SLC26A5: variants seen among roughly 807,000 people sequenced by gnomAD.
SLC26A5 encodes prestin.
SLC26A5 carries 51 observed loss-of-function variants against 81.0 expected under a neutral mutation model. The observed-to-expected ratio is 0.63, with a 90% CI of 0.50 to 0.80. SLC26A5 has a LOEUF of 0.80. SLC26A5 is among the 30% of genes least tolerant of loss of function. The probability of loss-of-function intolerance (pLI) is 0.00; values close to 1 mark genes in which losing one functional copy is unlikely to be tolerated. For missense variants in SLC26A5, 771 were observed against 905.8 expected, an observed-to-expected ratio of 0.85 and a Z score of 1.91; for synonymous variants, 325 against 332.8, an observed-to-expected ratio of 0.98 and a Z score of 0.25.
At chr7:103,436,514 C>T (rs1385948857) in intron 2 of SLC26A5, among the ~76,000 whole-genome samples, 3 of 152,156 alleles carry the variant, frequency 2.0e-5, no homozygotes, top group African/African-American at 4.8e-5. Context: ...TAAGCATCTA[C>T]TGAAGGAGTC....
intron 19 of SLC26A5, chr7:103,363,198 T>C (rs1290184055): frequency 1.6e-5 from 10 of 619,280 alleles, no homozygotes; most frequent in Non-Finnish European, 2.8e-5. Context: ...AGCAAGTAGT[T>C]CCAGGGCACT....
Position 103,393,005 on chromosome 7 carries a change from C to T in SLC26A5, c.1033G>A (p.Ala345Thr), listed in dbSNP as rs780718756. 44 of 1,613,826 alleles carry T rather than the reference C, an allele frequency of 2.7e-5. No individual in the cohort carries two copies. The Middle Eastern group carries it at 4.9e-4, about 18-fold the overall frequency. Residue 345 changes from alanine (A) to threonine (T), a missense_variant, in exon 10 of 20, where the codon GCC becomes ACC. Transcript: ENST00000306312. Reference sequence around the variant, plus strand: ...ACTGAAAATCCAACGATGGCTATGGCAATGGCATCTACGTACACAAGGTGG... The same window carrying T: ...ACTGAAAATCCAACGATGGCTATGGTAATGGCATCTACGTACACAAGGTGG... ...LFHLVYVDAI[A>T]IAIVGFSVTI...
chr7:103,392,142 T>A (rs1822712423), intron 10 of SLC26A5, among the ~76,000 whole-genome samples: 1 of 152,250 alleles, frequency 6.6e-6, no homozygotes, highest in African/African-American at 2.4e-5. Flanking sequence ...AGTGTCTTCC[T>A]GGGGCAAGTG....
chr7:103,420,485 G>C (rs1004096718), intron 4 of SLC26A5, among the ~76,000 whole-genome samples: 9 of 151,824 alleles, frequency 5.9e-5, no homozygotes, highest in African/African-American at 1.9e-4. Flanking sequence ...TGTTTTGGTA[G>C]AGACAGTGTC....
At chr7:103,428,833 A>G (rs1825877274) in intron 2 of SLC26A5, among the ~76,000 whole-genome samples, 1 of 152,110 alleles carries the variant, frequency 6.6e-6, no homozygotes, top group Non-Finnish European at 1.5e-5. Flanking sequence ...CTCCCAAAGT[A>G]CTGGGATTAC....
In SLC26A5 at chr7:103,420,850, G is replaced by A. The variant is rs1825292473; in HGVS notation, c.180C>T (p.Ile60=). ...FTCTPKKIRN[I]IYMFLPITKW... ...TAGTTATGGGTAGGAACATATAAAT[G>A]ATATTTCTTATTTTTTTAGGAGTAC... is the stretch of plus-strand genomic sequence containing the variant. The change falls in exon 4 of 20, where the codon ATC becomes ATT. Residue 60 remains isoleucine, a synonymous_variant. Transcript: ENST00000306312. The A allele has an allele frequency of 6.2e-7, 1 of 1,612,330 alleles. No homozygotes were observed. Among genetic ancestry groups the A allele is most frequent in the East Asian group, 2.2e-5 (1 of 44,850 alleles).
At chr7:103,370,143 G>A (rs1820947666), downstream of SLC26A5, among the ~76,000 whole-genome samples, 1 of 152,110 alleles carries the variant, frequency 6.6e-6, no homozygotes, top group Non-Finnish European at 1.5e-5. Context: ...AAACTTTTAT[G>A]AGCATTCAAA....
chr7:103,355,647 G>C, intron 19 of SLC26A5: 1 of 1,376,618 alleles, frequency 7.3e-7, no homozygotes, highest in South Asian at 1.2e-5. Flanking sequence ...CTTATTATAG[G>C]GTGATGCATT....
At position 103,390,495 on chromosome 7, in the gene SLC26A5, AC is replaced by A. The variant is rs1352979087; in HGVS notation, c.1244del (p.Cys415PhefsTer5). ...GTGGKTQLAG[C>X]LASLMILLVI... ...CCAGCAGAATCATTAATGAGGCCAAACAACCTGCAAGCTGAATGAGAGAAGA... is the reference window on the plus strand; with the variant it reads ...CCAGCAGAATCATTAATGAGGCCAAAAACCTGCAAGCTGAATGAGAGAAGA... On this transcript the variant is annotated frameshift_variant, in exon 12 of 20. Transcript: ENST00000306312. LOFTEE classifies it high-confidence loss of function. 5.6e-6 allele frequency: 9 copies of A among 1,614,036 alleles called. No individual in the cohort carries two copies. The highest frequency in any genetic ancestry group is 7.6e-6 in the Non-Finnish European group (9 of 1,179,996).
chr7:103,392,869 T>G lies in SLC26A5; in HGVS notation c.1119+50A>C, dbSNP rs372829924. 47 of 1,607,678 alleles carry G rather than the reference T, an allele frequency of 2.9e-5. No homozygotes were observed. In the South Asian group the frequency reaches 3.8e-4, roughly 13 times the overall value. Reference sequence around the variant, plus strand: ...TGGGATTACAGGCGTGAGCCAGACATTGGTGATTGTACTGCTATGAAACAT... The same window carrying G: ...TGGGATTACAGGCGTGAGCCAGACAGTGGTGATTGTACTGCTATGAAACAT... On this transcript the variant is annotated intron_variant, in intron 10 of 19. Transcript: ENST00000306312.
rs567068748 is a variant in SLC26A5, at chr7:103,362,392, T to C, written c.2042-9466A>G. On this transcript the variant is annotated intron_variant, in intron 19 of 19. Coordinates refer to the SLC26A5 transcript ENST00000339444. ...GGGAGTACTTGCTTTAGGATAGTTG[T>C]GATGCTAAGTGTGTTAATGTCTATA... The C allele has an allele frequency of 8.3e-5, 111 of 1,334,564 alleles. 1 individual carries two copies. In the South Asian group the frequency reaches 1.7e-3, roughly 21 times the overall value. 82.7% of individuals were successfully genotyped at this position (1,334,564 alleles called of 1,614,324 possible). A position where few individuals can be genotyped will look rare whatever the true frequency, so the allele number is the denominator to read the frequency against.
At chr7:103,357,639 G>A (rs1209980917) in intron 19 of SLC26A5, among the ~76,000 whole-genome samples, 1 of 152,006 alleles carries the variant, frequency 6.6e-6, no homozygotes, top group Non-Finnish European at 1.5e-5. Flanking sequence ...TATAATTTTG[G>A]TTAGATCAGT....
At chr7:103,413,793 AT>A (rs1057512707) in intron 4 of SLC26A5, among the ~76,000 whole-genome samples, 3 of 151,462 alleles carry the variant, frequency 2.0e-5, no homozygotes, top group Admixed American at 6.6e-5. Context: ...TCCTTTAGAC[AT>A]TTTTTTTTAA....
At position 103,388,248 on chromosome 7, in the gene SLC26A5, G is replaced by A. The variant is rs551806043; in HGVS notation, c.1514+760C>T. 2.0e-5 allele frequency among the ~76,000 whole-genome samples: 3 copies of A among 149,158 alleles called. No homozygotes were observed. In the South Asian group the frequency reaches 6.4e-4, roughly 32 times the overall value. Reference sequence around the variant, plus strand: ...GTCTTGCTCTGTTGCCCAGGCTGGAGCGTAGTGGTGTGATCTTGGCTTACT... The same window carrying A: ...GTCTTGCTCTGTTGCCCAGGCTGGAACGTAGTGGTGTGATCTTGGCTTACT... On this transcript the variant is annotated intron_variant, in intron 14 of 19. Transcript: ENST00000306312.
intron 4 of SLC26A5, among the ~76,000 whole-genome samples, chr7:103,416,707 G>A (rs1488105428): frequency 6.6e-6 from 1 of 151,860 alleles, no homozygotes; most frequent in East Asian, 1.9e-4. Flanking sequence ...TTGTCCATCT[G>A]CTTGCCATAT....
chr7:103,445,845 G>C (rs905148795), intron 1 of SLC26A5: 1 of 153,312 alleles, frequency 6.5e-6, no homozygotes, highest in East Asian at 1.9e-4. Context: ...AGCTGCAGAG[G>C]GCAAGGGGAC....
In SLC26A5 at chr7:103,359,138, C is replaced by CTTTTTTTTTTT. The variant is rs35936603; in HGVS notation, c.2042-6223_2042-6213dup. On this transcript the variant is annotated intron_variant, in intron 19 of 19. Coordinates refer to the SLC26A5 transcript ENST00000339444. ...CAGGTGCATACCACCCCATGTCTGG[C>CTTTTTTTTTTT]TTTTTTTTTTTTTTTTTTTTTTTTT... 1.4e-3 allele frequency among the ~76,000 whole-genome samples: 44 copies of CTTTTTTTTTTT among 31,332 alleles called. 3 individuals are homozygous for CTTTTTTTTTTT. The highest frequency in any genetic ancestry group is 1.8e-3 in the Non-Finnish European group (32 of 17,498). 20.6% of individuals were successfully genotyped at this position (31,332 alleles called of 152,430 possible).
rs116334610 is a variant in SLC26A5, at chr7:103,384,168, G to A, written c.1515-3619C>T. On this transcript the variant is annotated intron_variant, in intron 14 of 19. Transcript: ENST00000306312. ...AATAAAAAAAATTTTTTTTTTGGTA[G>A]AGGCATGGTCTTATTATGTTGTCCA... is the stretch of plus-strand genomic sequence containing the variant. Among the ~76,000 whole-genome samples, 1,128 of 151,962 alleles carry A rather than the reference G, an allele frequency of 7.4e-3. 19 individuals are homozygous for A. Among genetic ancestry groups the A allele is most frequent in the African/African-American group, 0.026 (1,089 of 41,458 alleles).
intron 2 of SLC26A5, among the ~76,000 whole-genome samples, chr7:103,423,226 C>G (rs1047077427): frequency 6.6e-6 from 1 of 151,880 alleles, no homozygotes; most frequent in East Asian, 1.9e-4. Context: ...GAGCTGAGAT[C>G]GCGCCATTGT....
Sources: gnomAD v4.1 joint callset for allele counts (sites outside exome capture counted in the v4.1 genomes callset) on GRCh38, gnomAD v4.1.1 for gene constraint, MANE v1.5 for transcripts, NCBI Gene and HGNC (gene_info 2026-07-23, HGNC 2026-07-21) for gene names.